SAMD3: variants seen among roughly 807,000 people sequenced by gnomAD.
The protein encoded by SAMD3 is sterile alpha motif domain-containing protein 3.
In SAMD3, 63 loss-of-function variants were observed where a neutral mutation model predicts 58.5. That is an observed-to-expected ratio of 1.08 (90% CI 0.88 to 1.33). The LOEUF (loss-of-function observed/expected upper bound fraction) is 1.33. SAMD3 is among the 40% of genes most tolerant of loss of function. The pLI, the probability that SAMD3 is intolerant of heterozygous loss-of-function variation, is 0.00. For synonymous variants in SAMD3, 220 were observed against 210.3 expected, an observed-to-expected ratio of 1.05 and a Z score of -0.40; for missense variants, 604 against 608.4, an observed-to-expected ratio of 0.99 and a Z score of 0.08.
chr6:130,186,522 G>A (rs942621237), intron 5 of SAMD3, among the ~76,000 whole-genome samples: 3 of 152,108 alleles, frequency 2.0e-5, no homozygotes, highest in Non-Finnish European at 4.4e-5. Flanking sequence ...ATTTCCAGAT[G>A]TAAGTCTCCG....
upstream of SAMD3, among the ~76,000 whole-genome samples, chr6:130,225,144 C>T (rs553328929): frequency 1.3e-5 from 2 of 152,186 alleles, no homozygotes; most frequent in South Asian, 4.1e-4. Context: ...GAATGATTAA[C>T]AAGTAAAAAA....
intron 9 of SAMD3, among the ~76,000 whole-genome samples, chr6:130,150,700 C>G (rs1278464330): frequency 6.6e-6 from 1 of 150,720 alleles, no homozygotes; most frequent in Admixed American, 6.7e-5. Flanking sequence ...TCTCTACACA[C>G]TGGGCCAGAA....
In SAMD3 at chr6:130,282,702, A is replaced by T. The variant is rs534337284; in HGVS notation, c.-188+30276T>A. ...AGAAGACAAGGACGCTAAAAGTAAC[A>T]GCTGAAACAAAAGAGAATTTTCTGA... On this transcript the variant is annotated intron_variant, in intron 2 of 13. Coordinates refer to the SAMD3 transcript ENST00000368134. 3.9e-5 allele frequency among the ~76,000 whole-genome samples: 6 copies of T among 152,366 alleles called. No homozygotes were observed. The East Asian group carries it at 9.6e-4, about 24-fold the overall frequency.
chr6:130,208,858 A>G (rs1209871264), intron 5 of SAMD3, among the ~76,000 whole-genome samples: 1 of 152,164 alleles, frequency 6.6e-6, no homozygotes, highest in Admixed American at 6.5e-5. Context: ...AAATCAGTCC[A>G]TGGTGTCAAA....
At chr6:130,267,189 A>C (rs1774390747) in intron 2 of SAMD3, among the ~76,000 whole-genome samples, 3 of 152,218 alleles carry the variant, frequency 2.0e-5, no homozygotes, top group Admixed American at 1.3e-4. Flanking sequence ...CAAAACTGGC[A>C]CATGTGCCCG....
Position 130,288,250 on chromosome 6 carries a change from T to A in SAMD3, c.-188+24728A>T, listed in dbSNP as rs556161202. Among the ~76,000 whole-genome samples, 13 of 152,304 alleles carry A rather than the reference T, an allele frequency of 8.5e-5. No homozygotes were observed. The South Asian group carries it at 2.7e-3, about 32-fold the overall frequency. ...ACCATATTGTGGGGGCTGGCAAGTC[T>A]GAAATTCGTAGGGCAGGATGCCAGC... On this transcript the variant is annotated intron_variant, in intron 2 of 13. Transcript: ENST00000368134.
chr6:130,284,628 G>C (rs1468152190), intron 2 of SAMD3, among the ~76,000 whole-genome samples: 1 of 152,060 alleles, frequency 6.6e-6, no homozygotes, highest in Admixed American at 6.6e-5. Context: ...CTTTATAAGG[G>C]AACATAAACA....
At chr6:130,357,738 T>C (rs1235947328) in intron 1 of SAMD3, among the ~76,000 whole-genome samples, 1 of 152,240 alleles carries the variant, frequency 6.6e-6, no homozygotes, top group East Asian at 1.9e-4. Context: ...TTCAAATCTC[T>C]AGTAGGTAAT....
At chr6:130,203,513 A>G (rs947936374) in intron 5 of SAMD3, among the ~76,000 whole-genome samples, 3 of 152,220 alleles carry the variant, frequency 2.0e-5, no homozygotes, top group African/African-American at 7.2e-5. Flanking sequence ...TTTTAGCTCT[A>G]TGATTGAATC....
intron 5 of SAMD3, among the ~76,000 whole-genome samples, chr6:130,195,856 G>A (rs1349258652): frequency 1.3e-5 from 2 of 151,928 alleles, no homozygotes; most frequent in African/African-American, 4.8e-5. Context: ...TACATCCTAG[G>A]CATGGTTAGA....
At chr6:130,145,797 CT>C (rs1056775688) in intron 10 of SAMD3, among the ~76,000 whole-genome samples, 277 of 151,778 alleles carry the variant, frequency 1.8e-3, no homozygotes, top group African/African-American at 5.6e-3. Context: ...TGGAAAAATT[CT>C]TTTTTTTCCC....
At chr6:130,158,297 G>A (rs1789973949) in intron 8 of SAMD3, among the ~76,000 whole-genome samples, 1 of 152,174 alleles carries the variant, frequency 6.6e-6, no homozygotes, top group Non-Finnish European at 1.5e-5. Flanking sequence ...TGATGGGAAA[G>A]TATCAAGACA....
intron 1 of SAMD3, among the ~76,000 whole-genome samples, chr6:130,220,414 A>C (rs943014934): frequency 2.6e-5 from 4 of 152,220 alleles, no homozygotes; most frequent in African/African-American, 9.6e-5. Flanking sequence ...TTGAGTCACA[A>C]ACACCCTAGT....
chr6:130,215,739 A>C (rs116198848), intron 2 of SAMD3: 30 of 1,504,658 alleles, frequency 2.0e-5, no homozygotes, highest in African/African-American at 2.8e-5. Flanking sequence ...GAAGGATCAG[A>C]TAAAAGCCTG....
intron 2 of SAMD3, among the ~76,000 whole-genome samples, chr6:130,302,429 A>G (rs976741349): frequency 2.0e-5 from 3 of 152,224 alleles, no homozygotes; most frequent in Non-Finnish European, 4.4e-5. Flanking sequence ...CAAAAATAAC[A>G]GATATTGGCA....
intron 8 of SAMD3, 127 bp from the exon 9 acceptor site, chr6:130,155,152 T>G (rs1161634347): frequency 6.3e-6 from 4 of 633,674 alleles, no homozygotes; most frequent in Non-Finnish European, 1.1e-5. Flanking sequence ...CACTTGACAT[T>G]GAGCATAACT....
intron 2 of SAMD3, among the ~76,000 whole-genome samples, chr6:130,312,493 A>G (rs896829147): frequency 2.6e-5 from 4 of 152,040 alleles, no homozygotes; most frequent in East Asian, 1.9e-4. Flanking sequence ...TTAACCATCT[A>G]TGGGTCCAGG....
intron 8 of SAMD3, chr6:130,160,254 C>A: frequency 6.6e-6 from 1 of 152,202 alleles, no homozygotes; most frequent in Admixed American, 6.5e-5. Context: ...AGAGAAGAGC[C>A]AAATAAACTG....
intron 7 of SAMD3, chr6:130,183,089 A>G: frequency 3.3e-6 from 1 of 305,038 alleles, no homozygotes; most frequent in East Asian, 8.7e-5. Context: ...GAAATCCAGG[A>G]GACAGGCAGG....
Sources: allele counts gnomAD v4.1 joint callset (sites outside exome capture counted in the v4.1 genomes callset), GRCh38; gene constraint gnomAD v4.1.1; transcripts MANE v1.5; gene names NCBI Gene and HGNC (gene_info 2026-07-23, HGNC 2026-07-21).